Variants in DLGAP2 observed in about 807,000 individuals in gnomAD.
DLGAP2 encodes the protein disks large-associated protein 2.
DLGAP2 carries 26 observed loss-of-function variants against 100.3 expected under a neutral mutation model. The observed-to-expected ratio is 0.26, with a 90% CI of 0.19 to 0.36. The LOEUF (loss-of-function observed/expected upper bound fraction) is 0.36, where lower values mean the gene tolerates loss of function less well. Among genes scored for constraint, DLGAP2 ranks in the 10% least tolerant of loss-of-function variants. The probability of loss-of-function intolerance (pLI) is 1.00; values close to 1 mark genes in which losing one functional copy is unlikely to be tolerated. For missense variants in DLGAP2, 1,858 were observed against 1,453.2 expected (o/e 1.28, Z -4.53); for synonymous variants, 886 against 630.1 (o/e 1.41, Z -6.08).
At chr8:1,363,296 G>A (rs955329794) in intron 3 of DLGAP2, among the ~76,000 whole-genome samples, 6 of 152,016 alleles carry the variant, frequency 3.9e-5, no homozygotes, top group Admixed American at 2.6e-4. Context: ...TGTCTCTCCT[G>A]CCTCTGCCTT....
intron 2 of DLGAP2, among the ~76,000 whole-genome samples, chr8:968,136 A>C (rs768464548): frequency 1.3e-5 from 2 of 151,818 alleles, no homozygotes; most frequent in Non-Finnish European, 2.9e-5. Context: ...GACTTCAGGC[A>C]GAGTCTGATT....
At chr8:1,662,425 T>C (rs1294773754) in intron 8 of DLGAP2, among the ~76,000 whole-genome samples, 1 of 152,248 alleles carries the variant, frequency 6.6e-6, no homozygotes, top group Non-Finnish European at 1.5e-5. Flanking sequence ...AGTGCCTCTT[T>C]CATTGAATTT....
rs35228134 is a variant in DLGAP2 at position 755,049 on chromosome 8, T to G, written c.18+17224T>G. ...ATACAAAAGAGGACACGAGGGTTTATTACTGATGAGTCATTCATTCATTTG... is the reference window on the plus strand; with the variant it reads ...ATACAAAAGAGGACACGAGGGTTTAGTACTGATGAGTCATTCATTCATTTG... On this transcript the variant is annotated intron_variant, in intron 1 of 14. Transcript: ENST00000637795. Among the ~76,000 whole-genome samples the G allele has an allele frequency of 7.8e-3, 1,184 of 152,320 alleles. 4 individuals carry two copies. The highest frequency in any genetic ancestry group is 0.017 in the South Asian group (82 of 4,824).
chr8:1,012,323 C>T (rs1314483526), intron 2 of DLGAP2, among the ~76,000 whole-genome samples: 5 of 152,230 alleles, frequency 3.3e-5, no homozygotes, highest in East Asian at 3.9e-4. Flanking sequence ...AGACGAAGAA[C>T]GCACTCTCGG....
chr8:817,320 GTT>G (rs370425829), intron 1 of DLGAP2, among the ~76,000 whole-genome samples: 1 of 152,062 alleles, frequency 6.6e-6, no homozygotes, highest in Non-Finnish European at 1.5e-5. Flanking sequence ...AGTCATCATT[GTT>G]TTTTATTTAT....
chr8:1,136,382 G>T (rs1018406852), intron 2 of DLGAP2, among the ~76,000 whole-genome samples: 1 of 152,208 alleles, frequency 6.6e-6, no homozygotes, highest in Non-Finnish European at 1.5e-5. Context: ...AGATGCTCGT[G>T]GGAGAGAAGG....
chr8:1,117,240 C>T (rs1269420539), intron 2 of DLGAP2, among the ~76,000 whole-genome samples: 2 of 152,204 alleles, frequency 1.3e-5, no homozygotes, highest in African/African-American at 4.8e-5. Context: ...GCTAGTGCCT[C>T]GGGGCTGTGC....
chr8:1,603,503 T>C (rs114634914), intron 6 of DLGAP2, among the ~76,000 whole-genome samples: 7,955 of 150,918 alleles, frequency 0.053, 263 homozygotes, highest in Middle Eastern at 0.17. Context: ...TGGGTCTCAG[T>C]TCCATAGAGG....
intron 1 of DLGAP2, among the ~76,000 whole-genome samples, chr8:862,482 T>G (rs1797412040): frequency 6.6e-6 from 1 of 152,054 alleles, no homozygotes; most frequent in African/African-American, 2.4e-5. Flanking sequence ...TTTTGTATAT[T>G]TACTAGAGAC....
At chr8:1,551,500 C>T (rs1801765302) in intron 5 of DLGAP2, among the ~76,000 whole-genome samples, 2 of 152,150 alleles carry the variant, frequency 1.3e-5, no homozygotes, top group African/African-American at 4.8e-5. Context: ...CCCCTTGGAC[C>T]TGCCTTCTCC....
intron 4 of DLGAP2, among the ~76,000 whole-genome samples, chr8:1,507,716 C>G (rs981706561): frequency 2.6e-5 from 4 of 151,856 alleles, no homozygotes; most frequent in Non-Finnish European, 5.9e-5. Flanking sequence ...AGCAGTCCAC[C>G]CTCCTGTCTC....
intron 14 of DLGAP2, among the ~76,000 whole-genome samples, chr8:1,700,687 G>A (rs181189858): frequency 6.6e-6 from 1 of 152,276 alleles, no homozygotes; most frequent in East Asian, 1.9e-4. Context: ...GCCAATTAGC[G>A]AATCGGGCCA....
chr8:863,736 G>A (rs1797438102), intron 1 of DLGAP2, among the ~76,000 whole-genome samples: 1 of 152,214 alleles, frequency 6.6e-6, no homozygotes, highest in Admixed American at 6.5e-5. Flanking sequence ...AGATGCCAGT[G>A]CGGATGTGGA....
intron 8 of DLGAP2, among the ~76,000 whole-genome samples, chr8:1,661,626 T>C (rs1228019691): frequency 1.3e-5 from 2 of 152,010 alleles, no homozygotes; most frequent in African/African-American, 2.4e-5. Context: ...AGGAAGCAGA[T>C]GATGGGTTGG....
intron 2 of DLGAP2, among the ~76,000 whole-genome samples, chr8:940,372 G>T (rs1198408424): frequency 6.6e-6 from 1 of 151,754 alleles, no homozygotes; most frequent in African/African-American, 2.4e-5. Flanking sequence ...GAGAGAGAGA[G>T]GGAGAGGGAG....
intron 3 of DLGAP2, among the ~76,000 whole-genome samples, chr8:1,367,352 T>G (rs1802132080): frequency 6.6e-6 from 1 of 152,208 alleles, no homozygotes; most frequent in Non-Finnish European, 1.5e-5. Context: ...TCAAACCTTT[T>G]AAGATTCTGC....
At chr8:1,645,644 G>T (rs893412750) in intron 8 of DLGAP2, among the ~76,000 whole-genome samples, 7 of 152,164 alleles carry the variant, frequency 4.6e-5, no homozygotes, top group African/African-American at 1.4e-4. Context: ...TGTGTTGGTT[G>T]ATTATCCAGA....
chr8:1,086,923 G>GA (rs1391678461), intron 2 of DLGAP2, among the ~76,000 whole-genome samples: 2 of 152,126 alleles, frequency 1.3e-5, no homozygotes, highest in African/African-American at 4.8e-5. Flanking sequence ...AATAAATACA[G>GA]AACATTGCCA....
chr8:1,267,458 T>C (rs532533788), intron 3 of DLGAP2, among the ~76,000 whole-genome samples: 13 of 148,568 alleles, frequency 8.8e-5, no homozygotes, highest in Non-Finnish European at 1.5e-4. Flanking sequence ...CCCAGCTAAT[T>C]GGGAGGCTGA....
Sources: allele counts gnomAD v4.1 joint callset (sites outside exome capture counted in the v4.1 genomes callset), GRCh38; gene constraint gnomAD v4.1.1; transcripts MANE v1.5; gene names NCBI Gene and HGNC (gene_info 2026-07-23, HGNC 2026-07-21).